Variants in CARD19 observed in about 807,000 individuals in gnomAD.
CARD19 encodes caspase recruitment domain-containing protein 19.
A neutral mutation model predicts 24.1 loss-of-function variants in CARD19; 25 were observed. The ratio of observed to expected loss-of-function variants is 1.04; its 90% CI spans 0.76 to 1.45. CARD19 has a LOEUF of 1.45. CARD19 is among the 40% of genes most tolerant of loss of function. CARD19 has a pLI of 0.00. For synonymous variants in CARD19, 103 were observed against 104.9 expected (o/e 0.98, Z 0.11); for missense variants, 241 against 247.4 (o/e 0.97, Z 0.17).
intron 3 of CARD19, chr9:93,111,003 T>C (rs1401676567): frequency 6.1e-6 from 9 of 1,483,678 alleles, no homozygotes; most frequent in African/African-American, 1.4e-5. Context: ...GGGCATCTTA[T>C]ACGTCCACTC....
chr9:93,103,648 CA>C (rs1827158806), intron 1 of CARD19, among the ~76,000 whole-genome samples: 1 of 152,132 alleles, frequency 6.6e-6, no homozygotes, highest in African/African-American at 2.4e-5. Flanking sequence ...GCTGCTATAA[CA>C]GAACACTTGA....
chr9:93,104,975 C>T (rs1464620332), intron 1 of CARD19, among the ~76,000 whole-genome samples: 1 of 152,156 alleles, frequency 6.6e-6, no homozygotes, highest in African/African-American at 2.4e-5. Context: ...TTATATCCTT[C>T]CTTCTGTGAG....
In CARD19 at chr9:93,110,667, C is replaced by G. The variant is rs376349973; in HGVS notation, c.250C>G (p.Leu84Val). ...GGACTGCCAGGAGTTCTACCGAGCC[C>G]TGTATATCCATGCCCAGCCCCTGCA... ...ERDCQEFYRA[L>V]YIHAQPLHSR... The change falls in exon 3 of 6, where the codon CTG (leucine) becomes GTG (valine). Residue 84 changes from leucine to valine, a missense_variant. Physicochemically the swap from Leu to Val is conservative, Grantham distance 32 (BLOSUM62 1). Transcript: ENST00000375464. 1.9e-6 allele frequency: 3 copies of G among 1,613,586 alleles called. No homozygotes were observed. Among genetic ancestry groups the G allele is most frequent in the East Asian group, 2.2e-5 (1 of 44,890 alleles).
chr9:93,112,235 G>A lies in CARD19; in HGVS notation c.382G>A (p.Ala128Thr). 6.5e-7 allele frequency: 1 copy of A among 1,545,162 alleles called. No individual in the cohort carries two copies. Residue 128 changes from alanine (A) to threonine (T), a missense_variant, in exon 5 of 6, where the codon GCT becomes ACT. By Grantham distance (58) the Ala-to-Thr change is moderately conservative. Transcript: ENST00000375464. ...LSNRGPMSFL[A>T]GLGLAVGLAL... is the part of the protein sequence containing the mutation. ...CTCCCCAGGACCCATGAGCTTCCTGGCTGGCCTGGGCCTTGCTGTGGGACT... is the reference window on the plus strand; with the variant it reads ...CTCCCCAGGACCCATGAGCTTCCTGACTGGCCTGGGCCTTGCTGTGGGACT...
At chr9:93,106,784 T>G (rs1051636074) in intron 1 of CARD19, among the ~76,000 whole-genome samples, 8 of 152,124 alleles carry the variant, frequency 5.3e-5, no homozygotes, top group Admixed American at 3.3e-4. Context: ...TTGTGTTATA[T>G]TCTATAAATA....
intron 1 of CARD19, among the ~76,000 whole-genome samples, chr9:93,101,631 T>G (rs4744173): frequency 0.96 from 145,789 of 151,902 alleles, 70,015 homozygotes; most frequent in African/African-American, 0.99. Context: ...GTAGAGACTG[T>G]GTTTCACCAT....
rs570800499 is a variant in CARD19 at position 93,102,726 on chromosome 9, G to A, written c.8-4948G>A. 2.2e-4 allele frequency among the ~76,000 whole-genome samples: 33 copies of A among 151,040 alleles called. 1 individual carries two copies. In the South Asian group the frequency reaches 6.9e-3, roughly 32 times the overall value. On this transcript the variant is annotated intron_variant, in intron 1 of 5. Coordinates refer to ENST00000375464, the MANE Select transcript of CARD19 (RefSeq NM_032310.5). ...AAATTCTATATGAGTTTTGGGGTGG[G>A]TTTTTCTATTTCTGCAAAAAACACT...
intron 3 of CARD19, chr9:93,111,523 TGGGCGGGG>T: frequency 8.6e-7 from 1 of 1,161,438 alleles, no homozygotes; most frequent in Non-Finnish European, 1.1e-6. Flanking sequence ...GTGCAGACGG[TGGGCGGGG>T]AGAGCTCGAG....
intron 2 of CARD19, among the ~76,000 whole-genome samples, chr9:93,108,836 T>C (rs1283257075): frequency 6.6e-6 from 1 of 152,206 alleles, no homozygotes; most frequent in East Asian, 1.9e-4. Context: ...TAAGATGCAA[T>C]TCCTGGGCTC....
intron 1 of CARD19, among the ~76,000 whole-genome samples, chr9:93,107,454 A>G (rs1827304912): frequency 6.6e-6 from 1 of 152,200 alleles, no homozygotes; most frequent in South Asian, 2.1e-4. Context: ...GCAACCCCTC[A>G]CTTCCATCTT....
intron 1 of CARD19, among the ~76,000 whole-genome samples, chr9:93,097,406 C>G (rs4077823): frequency 0.016 from 2,502 of 152,240 alleles, 65 homozygotes; most frequent in African/African-American, 0.057. Flanking sequence ...CTTTGTCCTC[C>G]CTTCTAACTC....
chr9:93,096,470 G>GT lies in CARD19; in HGVS notation c.7+119dup. 1 of 987,958 alleles carries GT rather than the reference G, an allele frequency of 1.0e-6. No individual in the cohort carries two copies. 61.2% of individuals were successfully genotyped at this position (987,958 alleles called of 1,614,324 possible). A position where few individuals can be genotyped will look rare whatever the true frequency, so the allele number is the denominator to read the frequency against. On this transcript the variant is annotated intron_variant, in intron 1 of 5. Coordinates refer to ENST00000375464, the MANE Select transcript of CARD19 (RefSeq NM_032310.5). This position sits in a 1 kb window ranked among gnomAD's most constrained non-coding sequence, Gnocchi z 5.4. Reference sequence around the variant, plus strand: ...GCCGCGCCTGGGCAGCGGGGGCCGAGTGACCTTGGCCCGTCAGCTGTCGGT... The same window carrying GT: ...GCCGCGCCTGGGCAGCGGGGGCCGAGTTGACCTTGGCCCGTCAGCTGTCGGT...
chr9:93,106,364 G>A (rs1827252963), intron 1 of CARD19, among the ~76,000 whole-genome samples: 1 of 141,116 alleles, frequency 7.1e-6, no homozygotes, highest in Non-Finnish European at 1.5e-5. Context: ...ATCACCTGAG[G>A]TCAGGAGTTT....
At chr9:93,100,219 A>T (rs1827027522) in intron 1 of CARD19, among the ~76,000 whole-genome samples, 1 of 152,264 alleles carries the variant, frequency 6.6e-6, no homozygotes, top group African/African-American at 2.4e-5. Context: ...AAGAGACATG[A>T]CAAAGTAAAA....
intron 1 of CARD19, among the ~76,000 whole-genome samples, chr9:93,100,222 A>G (rs1827027738): frequency 6.6e-6 from 1 of 152,240 alleles, no homozygotes; most frequent in Non-Finnish European, 1.5e-5. Context: ...AGACATGACA[A>G]AGTAAAACAG....
chr9:93,107,529 G>C, intron 1 of CARD19, 145 bp from the exon 2 acceptor site: 1 of 884,642 alleles, frequency 1.1e-6, no homozygotes, highest in Non-Finnish European at 1.7e-6. Flanking sequence ...ACACAGGCTG[G>C]GATGGCTGTG....
chr9:93,102,734 A>G (rs1171460213), intron 1 of CARD19, among the ~76,000 whole-genome samples: 1 of 147,008 alleles, frequency 6.8e-6, no homozygotes, highest in Non-Finnish European at 1.5e-5. Flanking sequence ...GGGTTTTTCT[A>G]TTTCTGCAAA....
In CARD19 at chr9:93,111,937, G is replaced by A; in HGVS notation, c.363G>A (p.Arg121=). The A allele has an allele frequency of 1.9e-6, 3 of 1,610,866 alleles. No individual in the cohort carries two copies. Among genetic ancestry groups the A allele is most frequent in the Non-Finnish European group, 2.5e-6 (3 of 1,179,464 alleles). ...SGSQSGELSN[R]GPMSFLAGLG... ...GCCAGAGCGGCGAGCTGAGTAACAG[G>A]GGTAACACCTCCCTGCTGCCCCTCC... The change falls in exon 4 of 6, where the codon AGG becomes AGA. Residue 121 remains arginine (R), a splice_region_variant and synonymous_variant. Transcript: ENST00000375464.
rs763874774 is a variant in CARD19, at chr9:93,110,563, C to T, written c.151-5C>T. 5.7e-6 allele frequency: 9 copies of T among 1,591,710 alleles called. No individual in the cohort carries two copies. Among genetic ancestry groups the T allele is most frequent in the Non-Finnish European group, 7.7e-6 (9 of 1,166,140 alleles). On this transcript the variant is annotated splice_polypyrimidine_tract_variant and splice_region_variant and intron_variant, in intron 2 of 5. Transcript: ENST00000375464. ...ATCTTCCCTGGCACCCCCTTGTACC[C>T]TCAGTTCCGGAACCCCAAGGCATCC...
Sources: gnomAD v4.1 joint callset for allele counts (sites outside exome capture counted in the v4.1 genomes callset) on GRCh38, gnomAD v4.1.1 for gene constraint, Gnocchi (gnomAD v3.1) non-coding constraint, MANE v1.5 for transcripts, NCBI Gene and HGNC (gene_info 2026-07-23, HGNC 2026-07-21) for gene names.